Variants in TNFRSF13B observed in about 807,000 individuals in gnomAD.
The protein encoded by TNFRSF13B is tumor necrosis factor receptor superfamily member 13B.
In TNFRSF13B, 34 loss-of-function variants were observed where a neutral mutation model predicts 24.0. The ratio of observed to expected loss-of-function variants is 1.41; its 90% CI spans 1.08 to 1.88. The LOEUF (loss-of-function observed/expected upper bound fraction) is 1.88. Among genes scored for constraint, TNFRSF13B ranks in the 40% most tolerant of loss-of-function variants. The pLI, the probability that TNFRSF13B is intolerant of heterozygous loss-of-function variation, is 0.00. For synonymous variants in TNFRSF13B, 173 were observed against 150.3 expected (o/e 1.15, Z -1.10); for missense variants, 415 against 380.8 (o/e 1.09, Z -0.75).
At chr17:16,952,807 G>C (rs976410938) in intron 1 of TNFRSF13B, among the ~76,000 whole-genome samples, 20 of 152,162 alleles carry the variant, frequency 1.3e-4, no homozygotes, top group African/African-American at 4.8e-4. Context: ...ATCTGCACAT[G>C]GTTGTTTTCA....
intron 2 of TNFRSF13B, among the ~76,000 whole-genome samples, chr17:16,950,434 C>A (rs1322799681): frequency 6.6e-6 from 1 of 152,216 alleles, no homozygotes; most frequent in Non-Finnish European, 1.5e-5. Context: ...CTTCACAAAG[C>A]AAACAGATCC....
intron 3 of TNFRSF13B, among the ~76,000 whole-genome samples, chr17:16,944,143 G>T (rs1318435210): frequency 6.6e-6 from 1 of 152,136 alleles, no homozygotes; most frequent in Non-Finnish European, 1.5e-5. Flanking sequence ...TCTGTGGAGT[G>T]GCCACCACAC....
intron 3 of TNFRSF13B, among the ~76,000 whole-genome samples, chr17:16,948,477 T>C (rs1050019752): frequency 4.6e-5 from 7 of 152,252 alleles, no homozygotes; most frequent in Non-Finnish European, 1.0e-4. Context: ...CTTCAATGAC[T>C]GGCACAGCCT....
intron 3 of TNFRSF13B, among the ~76,000 whole-genome samples, chr17:16,942,938 T>A (rs2087522159): frequency 6.6e-6 from 1 of 152,106 alleles, no homozygotes; most frequent in Admixed American, 6.5e-5. Context: ...GGCCTCTGCC[T>A]CAAGAAGGCC....
At chr17:16,957,094 C>CG (rs71281040) in intron 1 of TNFRSF13B, among the ~76,000 whole-genome samples, 5,492 of 150,636 alleles carry the variant, frequency 0.036, 124 homozygotes, top group South Asian at 0.11. Context: ...GGAGGCTGTG[C>CG]GGGGGGATGT....
chr17:16,939,320 C>T lies in TNFRSF13B; in HGVS notation c.*227G>A, dbSNP rs1227817805. ...GCCTCTCTCCCTCTCTGCCTCTCTC[C>T]TTCTCTGCCTGTCTCTTTCCTTCTC... On this transcript the variant is annotated 3_prime_UTR_variant, in exon 5 of 5. Transcript: ENST00000261652. 3.7e-6 allele frequency: 2 copies of T among 538,286 alleles called. No homozygotes were observed. The highest frequency in any genetic ancestry group is 5.7e-5 in the South Asian group (2 of 34,860). The allele number at this position is 538,286 out of a possible 1,614,324, so 33.3% of individuals were successfully genotyped here.
intron 1 of TNFRSF13B, among the ~76,000 whole-genome samples, chr17:16,962,228 CA>C (rs2087667121): frequency 6.6e-6 from 1 of 152,146 alleles, no homozygotes; most frequent in African/African-American, 2.4e-5. Context: ...AAAGGTAGGC[CA>C]GGTGTGGTGG....
At chr17:16,966,175 A>G (rs1199343185) in intron 1 of TNFRSF13B, among the ~76,000 whole-genome samples, 2 of 151,662 alleles carry the variant, frequency 1.3e-5, no homozygotes, top group Admixed American at 6.6e-5. Flanking sequence ...AATCTCTCGA[A>G]CCCAGTTGGG....
At chr17:16,940,873 C>T in intron 3 of TNFRSF13B, 1 of 1,161,254 alleles carries the variant, frequency 8.6e-7, no homozygotes, top group Non-Finnish European at 1.1e-6. Flanking sequence ...CTGAACTGGG[C>T]CCTTCCTCCA....
rs2087500226 is a variant in TNFRSF13B, at chr17:16,940,356, G to A, written c.601C>T (p.Pro201Ser). 6.2e-7 allele frequency: 1 copy of A among 1,613,850 alleles called. No homozygotes were observed. The highest frequency in any genetic ancestry group is 8.5e-7 in the Non-Finnish European group (1 of 1,180,022). The part of the protein sequence containing the change: ...DPCSCQPRSR[P>S]RQSPAKSSQD... ...GAAGACTTGGCCGGACTTTGACGGGGCCTTGAGCGGGGCTGGCAGGAGCAG... is the reference window on the plus strand; with the variant it reads ...GAAGACTTGGCCGGACTTTGACGGGACCTTGAGCGGGGCTGGCAGGAGCAG... Residue 201 changes from proline (P) to serine (S), a missense_variant, in exon 4 of 5, where the codon CCC (proline) becomes TCC (serine). Transcript: ENST00000261652.
At chr17:16,949,028 C>G in intron 2 of TNFRSF13B, 45 bp from the exon 3 acceptor site, 1 of 1,613,074 alleles carries the variant, frequency 6.2e-7, no homozygotes, top group South Asian at 1.1e-5. Context: ...CACAGACTAG[C>G]AGGAACTCTG....
At position 16,940,389 on chromosome 17, in the gene TNFRSF13B, C is replaced by T. The variant is rs150101848; in HGVS notation, c.568G>A (p.Gly190Arg). ...CGGGGCTGGCAGGAGCAGGGATCCC[C>T]CCTCTTCTTGAGGAAGCAGGCCACC... Reference protein sequence around the residue: ...VAVACFLKKRGDPCSCQPRSR... With the variant: ...VAVACFLKKRRDPCSCQPRSR... The change falls in exon 4 of 5, where the codon GGG (glycine) becomes AGG (arginine). Residue 190 changes from glycine to arginine, a missense_variant. Coordinates refer to ENST00000261652, the MANE Select transcript of TNFRSF13B (RefSeq NM_012452.3). 27 of 1,614,064 alleles carry T rather than the reference C, an allele frequency of 1.7e-5. No individual in the cohort carries two copies. The African/African-American group carries it at 2.8e-4, about 17-fold the overall frequency.
At chr17:16,967,750 T>TTAAA (rs1567657162) in intron 1 of TNFRSF13B, among the ~76,000 whole-genome samples, 4 of 19,380 alleles carry the variant, frequency 2.1e-4, no homozygotes, top group African/African-American at 8.0e-4. Flanking sequence ...AGACTCCGTC[T>TTAAA]CAAAAAAAAA....
rs757279559 is a variant in TNFRSF13B at position 16,948,894 on chromosome 17, G to A, written c.289C>T (p.Pro97Ser). Residue 97 changes from proline (P) to serine (S), a missense_variant, in exon 3 of 5, where the codon CCT becomes TCT. By Grantham distance (74) the Pro-to-Ser change is moderately conservative (BLOSUM62 -1). Coordinates refer to ENST00000261652, the MANE Select transcript of TNFRSF13B (RefSeq NM_012452.3). The stretch of plus-strand genomic sequence containing the variant: ...TCACAGAAGTATGCACATTGCTTAG[G>A]GTGCTGTCCACAGATGGAGGCACAG... ...ISCASICGQH[P>S]KQCAYFCENK... The A allele has an allele frequency of 5.0e-6, 8 of 1,614,172 alleles. No homozygotes were observed. The South Asian group carries it at 6.6e-5, about 13-fold the overall frequency.
chr17:16,944,778 A>G (rs955173626), intron 3 of TNFRSF13B, among the ~76,000 whole-genome samples: 13 of 152,114 alleles, frequency 8.5e-5, no homozygotes, highest in African/African-American at 2.9e-4. Flanking sequence ...GATGCAAGAG[A>G]AACCTGGAGT....
chr17:16,947,575 A>G (rs1295217523), intron 3 of TNFRSF13B, among the ~76,000 whole-genome samples: 1 of 152,252 alleles, frequency 6.6e-6, no homozygotes, highest in Non-Finnish European at 1.5e-5. Flanking sequence ...AAGACATGCA[A>G]GCAGCCAACA....
intron 1 of TNFRSF13B, among the ~76,000 whole-genome samples, chr17:16,956,400 A>ACCC (rs201313333): frequency 0.037 from 5,615 of 152,314 alleles, 130 homozygotes; most frequent in South Asian, 0.11. Flanking sequence ...TTTACAGGAA[A>ACCC]TACAGACTAT....
At chr17:16,946,561 T>C (rs1283704540) in intron 3 of TNFRSF13B, among the ~76,000 whole-genome samples, 1 of 100,762 alleles carries the variant, frequency 9.9e-6, no homozygotes, top group Non-Finnish European at 2.7e-5. Flanking sequence ...TATTTTTTAT[T>C]ATTTTTATTT....
intron 3 of TNFRSF13B, 191 bp from the exon 4 acceptor site, chr17:16,940,702 C>A: frequency 1.4e-6 from 2 of 1,456,434 alleles, no homozygotes; most frequent in South Asian, 1.4e-5. Context: ...ACTCCCCCAT[C>A]CTGGCAGCAA....
Sources: gnomAD v4.1 joint callset for allele counts (sites outside exome capture counted in the v4.1 genomes callset) on GRCh38, gnomAD v4.1.1 for gene constraint, MANE v1.5 for transcripts, NCBI Gene and HGNC (gene_info 2026-07-23, HGNC 2026-07-21) for gene names.